C1QTNF7: variants seen among roughly 807,000 people sequenced by gnomAD.
C1QTNF7 encodes the protein C1q and TNF related 7.
In C1QTNF7, 15 loss-of-function variants were observed where a neutral mutation model predicts 19.6. The observed-to-expected ratio is 0.76, with a 90% confidence interval of 0.51 to 1.18. C1QTNF7 has a LOEUF of 1.18. C1QTNF7 is among the 50% of genes most tolerant of loss of function. C1QTNF7 has a pLI of 0.00. For missense variants in C1QTNF7, 324 were observed against 359.7 expected, an observed-to-expected ratio of 0.90 and a Z score of 0.80; for synonymous variants, 142 against 137.5, an observed-to-expected ratio of 1.03 and a Z score of -0.23.
chr4:15,422,713 T>G (rs768416253), intron 1 of C1QTNF7, among the ~76,000 whole-genome samples: 80 of 152,168 alleles, frequency 5.3e-4, no homozygotes, highest in Non-Finnish European at 1.0e-3. Context: ...CAAGCCATCC[T>G]CCCACCTCAG....
chr4:15,400,844 T>C (rs1718962181), intron 1 of C1QTNF7, among the ~76,000 whole-genome samples: 2 of 152,216 alleles, frequency 1.3e-5, no homozygotes, highest in African/African-American at 4.8e-5. Context: ...AATCAGGGTC[T>C]TTGTTCATTG....
intron 1 of C1QTNF7, among the ~76,000 whole-genome samples, chr4:15,343,642 G>A (rs1207421663): frequency 1.3e-5 from 2 of 152,118 alleles, no homozygotes; most frequent in Admixed American, 6.5e-5. Context: ...GAAATAAAAT[G>A]TGCATTCCAA....
At chr4:15,395,011 A>C (rs779123617) in intron 1 of C1QTNF7, among the ~76,000 whole-genome samples, 1 of 152,226 alleles carries the variant, frequency 6.6e-6, no homozygotes, top group Non-Finnish European at 1.5e-5. Context: ...TTGAAAGAGA[A>C]GTTTTATAAC....
chr4:15,433,210 G>A (rs1403551247), intron 1 of C1QTNF7, among the ~76,000 whole-genome samples: 1 of 152,078 alleles, frequency 6.6e-6, no homozygotes, highest in East Asian at 1.9e-4. Flanking sequence ...TAGAGATGGG[G>A]TCTTGCTATG....
intron 1 of C1QTNF7, among the ~76,000 whole-genome samples, chr4:15,359,971 C>T (rs968067717): frequency 2.6e-5 from 4 of 152,188 alleles, no homozygotes; most frequent in African/African-American, 9.6e-5. Context: ...AGGAAGGGCA[C>T]AGTTACAGTC....
chr4:15,354,783 A>AT (rs1185979784), intron 1 of C1QTNF7, among the ~76,000 whole-genome samples: 3 of 151,894 alleles, frequency 2.0e-5, no homozygotes, highest in Admixed American at 2.0e-4. Flanking sequence ...AAAAAGTAAG[A>AT]TTTTTTTTCC....
At chr4:15,342,148 C>A (rs1716565242) in intron 1 of C1QTNF7, among the ~76,000 whole-genome samples, 1 of 152,218 alleles carries the variant, frequency 6.6e-6, no homozygotes, top group South Asian at 2.1e-4. Context: ...ATAAAGGGCG[C>A]TGATGAGAGA....
chr4:15,380,190 G>A (rs1427434197), intron 1 of C1QTNF7, among the ~76,000 whole-genome samples: 1 of 152,202 alleles, frequency 6.6e-6, no homozygotes, highest in Non-Finnish European at 1.5e-5. Flanking sequence ...TTAGAAAATA[G>A]GAATACCTTT....
At chr4:15,432,309 T>G (rs1210314888) in intron 1 of C1QTNF7, among the ~76,000 whole-genome samples, 1 of 152,240 alleles carries the variant, frequency 6.6e-6, no homozygotes, top group African/African-American at 2.4e-5. Flanking sequence ...CCCCGTGGTC[T>G]TCTTGCATCA....
chr4:15,440,406 C>CTTTTTTTTTT (rs58931762), intron 2 of C1QTNF7, among the ~76,000 whole-genome samples: 1 of 136,646 alleles, frequency 7.3e-6, no homozygotes, highest in African/African-American at 2.7e-5. Context: ...ACAGAAGCAA[C>CTTTTTTTTTT]TTTTTTTTTT....
At chr4:15,395,748 C>A (rs1718758336) in intron 1 of C1QTNF7, among the ~76,000 whole-genome samples, 1 of 152,062 alleles carries the variant, frequency 6.6e-6, no homozygotes, top group Admixed American at 6.5e-5. Context: ...ATACAGGGCA[C>A]CTTAGATATA....
chr4:15,400,825 C>T (rs1299024246), intron 1 of C1QTNF7, among the ~76,000 whole-genome samples: 1 of 152,226 alleles, frequency 6.6e-6, no homozygotes, highest in African/African-American at 2.4e-5. Flanking sequence ...TACATGCTCA[C>T]TATGGAGCAA....
chr4:15,371,618 A>C (rs1560345479), intron 1 of C1QTNF7, among the ~76,000 whole-genome samples: 2 of 152,202 alleles, frequency 1.3e-5, no homozygotes, highest in Non-Finnish European at 2.9e-5. Context: ...CATCCTATGA[A>C]AGGAGAAAAA....
At chr4:15,388,475 T>C (rs971428191) in intron 1 of C1QTNF7, among the ~76,000 whole-genome samples, 3 of 152,090 alleles carry the variant, frequency 2.0e-5, no homozygotes, top group African/African-American at 7.2e-5. Context: ...GAGGTGAACA[T>C]GAATAAGGTA....
chr4:15,421,192 A>G (rs1186203638), intron 1 of C1QTNF7, among the ~76,000 whole-genome samples: 1 of 152,132 alleles, frequency 6.6e-6, no homozygotes, highest in African/African-American at 2.4e-5. Context: ...TGAAAAAAAA[A>G]GAGAGTTGAA....
At chr4:15,340,068 C>T (rs1277538927) in exon 1 of C1QTNF7, 2 of 1,098,154 alleles carry the variant, frequency 1.8e-6, no homozygotes, top group Admixed American at 2.0e-5. Flanking sequence ...TTATTTTTTG[C>T]ATTGTTTTGG....
intron 1 of C1QTNF7, among the ~76,000 whole-genome samples, chr4:15,345,127 A>T (rs1189798103): frequency 1.3e-5 from 2 of 152,194 alleles, no homozygotes; most frequent in Non-Finnish European, 2.9e-5. Flanking sequence ...ATCAACATAA[A>T]TCTGATTCCA....
At chr4:15,356,524 G>A (rs1292235747) in intron 1 of C1QTNF7, among the ~76,000 whole-genome samples, 1 of 152,184 alleles carries the variant, frequency 6.6e-6, no homozygotes, top group Admixed American at 6.5e-5. Flanking sequence ...TTGGTTCCAA[G>A]TCTTTGCTAT....
In C1QTNF7 at chr4:15,416,006, C is replaced by A. The variant is rs905552826; in HGVS notation, c.14-19730C>A. 7.2e-5 allele frequency among the ~76,000 whole-genome samples: 11 copies of A among 152,144 alleles called. No individual in the cohort carries two copies. In the East Asian group the frequency reaches 1.4e-3, roughly 19 times the overall value. On this transcript the variant is annotated intron_variant, in intron 1 of 2. Transcript: ENST00000295297. ...GTGATTAACAGTGTTGTACATAGAG[C>A]TTTGAGTACTTTTTAAAAATTGTTG...
Sources: gnomAD v4.1 joint callset for allele counts (sites outside exome capture counted in the v4.1 genomes callset) on GRCh38, gnomAD v4.1.1 for gene constraint, MANE v1.5 for transcripts, NCBI Gene and HGNC (gene_info 2026-07-23, HGNC 2026-07-21) for gene names.